The following ROBO1 variants were observed in gnomAD, a reference collection of about 807,000 sequenced individuals.
ROBO1 encodes the protein roundabout homolog 1.
Under a neutral mutation model 195.9 loss-of-function variants are expected in ROBO1, and 149 were observed. That is an observed-to-expected ratio of 0.76 (90% CI 0.67 to 0.87). ROBO1 has a LOEUF of 0.87. Among genes scored for constraint, ROBO1 ranks in the 40% least tolerant of loss-of-function variants. The pLI is 0.00. For missense variants in ROBO1, 1,933 were observed against 2,068.3 expected (o/e 0.93, Z 1.27); for synonymous variants, 816 against 733.2 (o/e 1.11, Z -1.82).
intron 2 of ROBO1, among the ~76,000 whole-genome samples, chr3:79,435,409 T>G (rs1405090118): frequency 2.0e-5 from 3 of 152,088 alleles, no homozygotes; most frequent in African/African-American, 7.2e-5. Context: ...TGAATCATAT[T>G]TATTTCCACA....
chr3:78,715,604 T>A (rs1262326910), intron 7 of ROBO1, among the ~76,000 whole-genome samples: 5 of 152,232 alleles, frequency 3.3e-5, no homozygotes, highest in South Asian at 4.1e-4. Flanking sequence ...CAATCTCGGC[T>A]CACTGCAACC....
intron 4 of ROBO1, among the ~76,000 whole-genome samples, chr3:78,935,339 G>A (rs1297892584): frequency 6.6e-6 from 1 of 152,012 alleles, no homozygotes; most frequent in Admixed American, 6.6e-5. Context: ...ATAGCCATAT[G>A]CTGACTGTAT....
chr3:79,213,248 A>G (rs1465561794), intron 2 of ROBO1, among the ~76,000 whole-genome samples: 1 of 149,328 alleles, frequency 6.7e-6, no homozygotes, highest in Non-Finnish European at 1.5e-5. Flanking sequence ...CCGTCTTGGA[A>G]AAAAAAAAAA....
chr3:79,597,961 GT>G (rs1020829326), intron 1 of ROBO1, among the ~76,000 whole-genome samples: 30 of 151,976 alleles, frequency 2.0e-4, no homozygotes, highest in Non-Finnish European at 3.2e-4. Context: ...AATCACGGCC[GT>G]TTTGTTTGGA....
chr3:78,610,368 A>T (rs940778569), intron 28 of ROBO1, among the ~76,000 whole-genome samples: 2 of 152,220 alleles, frequency 1.3e-5, no homozygotes, highest in African/African-American at 4.8e-5. Context: ...TGTATCAAGT[A>T]GCCTAAAGCC....
At chr3:78,648,565 T>A (rs1706445000) in intron 19 of ROBO1, among the ~76,000 whole-genome samples, 1 of 151,824 alleles carries the variant, frequency 6.6e-6, no homozygotes, top group South Asian at 2.1e-4. Context: ...TCCTATCTTC[T>A]CCCATTCCTG....
chr3:79,425,396 T>C (rs1263896395), intron 2 of ROBO1, among the ~76,000 whole-genome samples: 1 of 152,164 alleles, frequency 6.6e-6, no homozygotes, highest in Non-Finnish European at 1.5e-5. Flanking sequence ...ACCTCTCTGA[T>C]CTTCTGAATC....
In ROBO1 at chr3:78,767,238, C is replaced by T. The variant is rs62257476; in HGVS notation, c.500-20338G>A. On this transcript the variant is annotated intron_variant, in intron 4 of 30. Transcript: ENST00000464233. ...GTCTGGTAGAATTCTGCTGTGAATCCGTCTGGTCCTGGACTTTTTTTTTTT... is the reference window on the plus strand; with the variant it reads ...GTCTGGTAGAATTCTGCTGTGAATCTGTCTGGTCCTGGACTTTTTTTTTTT... Among the ~76,000 whole-genome samples, 1,077 of 130,704 alleles carry T rather than the reference C, an allele frequency of 8.2e-3. 7 individuals are homozygous for T. The highest frequency in any genetic ancestry group is 0.013 in the Non-Finnish European group (835 of 62,854). 85.7% of individuals were successfully genotyped at this position (130,704 alleles called of 152,430 possible).
intron 2 of ROBO1, among the ~76,000 whole-genome samples, chr3:79,126,446 A>G (rs1164773495): frequency 6.6e-6 from 1 of 152,198 alleles, no homozygotes; most frequent in Non-Finnish European, 1.5e-5. Flanking sequence ...GTGTGTATAT[A>G]GAAGCTCAAT....
intron 2 of ROBO1, among the ~76,000 whole-genome samples, chr3:79,572,686 A>G (rs1257589184): frequency 1.3e-5 from 2 of 152,196 alleles, no homozygotes; most frequent in Non-Finnish European, 2.9e-5. Flanking sequence ...CAAGTTAAGG[A>G]AGAAGTAGTA....
chr3:79,105,057 C>G (rs1193530937), intron 3 of ROBO1, among the ~76,000 whole-genome samples: 1 of 151,598 alleles, frequency 6.6e-6, no homozygotes, highest in African/African-American at 2.4e-5. Context: ...AAAAAGTCCA[C>G]CTATCAAGTT....
At chr3:78,916,215 A>T (rs993256638) in intron 4 of ROBO1, among the ~76,000 whole-genome samples, 2 of 139,112 alleles carry the variant, frequency 1.4e-5, no homozygotes, top group Non-Finnish European at 1.5e-5. Context: ...GCGCCACTGC[A>T]CTCCAGCCTG....
intron 5 of ROBO1, among the ~76,000 whole-genome samples, chr3:78,734,952 A>G (rs1235579756): frequency 6.6e-6 from 1 of 152,206 alleles, no homozygotes; most frequent in Non-Finnish European, 1.5e-5. Flanking sequence ...AAGGAATTAA[A>G]ATTATGTCTC....
chr3:79,009,341 A>G (rs181707435), intron 3 of ROBO1, among the ~76,000 whole-genome samples: 1 of 152,168 alleles, frequency 6.6e-6, no homozygotes, highest in East Asian at 1.9e-4. Context: ...TGTTTTGATT[A>G]GTGGTATAGT....
At chr3:78,711,348 C>CTCCTTTCTTTCTTTCTTCCTTCCTTCCT (rs1575992298) in intron 8 of ROBO1, among the ~76,000 whole-genome samples, 2 of 54,692 alleles carry the variant, frequency 3.7e-5, no homozygotes, top group South Asian at 8.7e-4. Flanking sequence ...TCCTTCCTTC[C>CTCCTTTCTTTCTTTCTTCCTTCCTTCCT]TCCTTCCTTC....
chr3:78,819,283 GCTTT>G (rs1048743610), intron 4 of ROBO1, among the ~76,000 whole-genome samples: 2 of 151,808 alleles, frequency 1.3e-5, no homozygotes, highest in African/African-American at 2.4e-5. Context: ...TATGATTAGT[GCTTT>G]CTGACTCTTG....
intron 4 of ROBO1, among the ~76,000 whole-genome samples, chr3:78,771,828 C>G (rs910145679): frequency 6.6e-6 from 1 of 151,966 alleles, no homozygotes; most frequent in African/African-American, 2.4e-5. Context: ...TCATATCATC[C>G]GTGAAGAGAG....
chr3:78,749,848 T>C (rs916058523), intron 4 of ROBO1, among the ~76,000 whole-genome samples: 1 of 152,190 alleles, frequency 6.6e-6, no homozygotes, highest in Non-Finnish European at 1.5e-5. Flanking sequence ...TATATACTTT[T>C]AATGTTTCTT....
intron 1 of ROBO1, among the ~76,000 whole-genome samples, chr3:79,678,203 G>A (rs1280350606): frequency 1.3e-5 from 2 of 151,860 alleles, no homozygotes; most frequent in African/African-American, 2.4e-5. Flanking sequence ...GTTTCCTTCT[G>A]TATAATGGAA....
Sources: gnomAD v4.1 joint callset for allele counts (sites outside exome capture counted in the v4.1 genomes callset) on GRCh38, gnomAD v4.1.1 for gene constraint, MANE v1.5 for transcripts, NCBI Gene and HGNC (gene_info 2026-07-23, HGNC 2026-07-21) for gene names.